The following SAMD12 variants were observed in gnomAD, a reference collection of about 807,000 sequenced individuals.
SAMD12 encodes sterile alpha motif domain-containing protein 12.
SAMD12 carries 9 observed loss-of-function variants against 15.0 expected under a neutral mutation model. The ratio of observed to expected loss-of-function variants is 0.60; its 90% CI spans 0.36 to 1.05. The LOEUF (loss-of-function observed/expected upper bound fraction) is 1.05. Ranked by LOEUF, SAMD12 falls within the 50% of genes least tolerant of loss-of-function variation. The pLI is 0.01. For synonymous variants in SAMD12, 86 were observed against 90.1 expected (o/e 0.96, Z 0.25); for missense variants, 230 against 234.2 (o/e 0.98, Z 0.12).
At chr8:118,476,111 C>T (rs1215240122) in intron 2 of SAMD12, among the ~76,000 whole-genome samples, 2 of 152,154 alleles carry the variant, frequency 1.3e-5, no homozygotes, top group South Asian at 2.1e-4. Flanking sequence ...CCCCAAACAT[C>T]AAGAGAATTG....
intron 2 of SAMD12, among the ~76,000 whole-genome samples, chr8:118,535,803 A>T (rs1291787863): frequency 6.6e-6 from 1 of 152,352 alleles, no homozygotes; most frequent in East Asian, 1.9e-4. Flanking sequence ...GGAAAAGCGC[A>T]GTATTAGGGT....
intron 3 of SAMD12, among the ~76,000 whole-genome samples, chr8:118,413,962 T>G (rs1003415967): frequency 6.6e-6 from 1 of 152,156 alleles, no homozygotes; most frequent in African/African-American, 2.4e-5. Flanking sequence ...AAATCTTGAA[T>G]ATTTTCAGTG....
chr8:118,154,115 CA>C, the SAMD12 span, among the ~76,000 whole-genome samples: 27 of 149,402 alleles, frequency 1.8e-4, 1 homozygote, highest in African/African-American at 6.6e-4. Context: ...CCTGCTTAAG[CA>C]AAAGTCAAAG....
rs753453961 is a variant in SAMD12 at position 118,621,915 on chromosome 8, G to A, written c.-99C>T. On this transcript the variant is annotated 5_prime_UTR_variant, in exon 1 of 4. Transcript: ENST00000314727. Reference sequence around the variant, plus strand: ...CCTCTCGCTTTCGCCTAAATATTCTGCGCTTATCTGCTCCAGGACCAACCT... The same window carrying A: ...CCTCTCGCTTTCGCCTAAATATTCTACGCTTATCTGCTCCAGGACCAACCT... 3.6e-6 allele frequency: 5 copies of A among 1,380,814 alleles called. No individual in the cohort carries two copies. Among genetic ancestry groups the A allele is most frequent in the Non-Finnish European group, 5.2e-6 (5 of 967,792 alleles). 85.5% of individuals were successfully genotyped at this position (1,380,814 alleles called of 1,614,324 possible).
intron 2 of SAMD12, among the ~76,000 whole-genome samples, chr8:118,562,916 A>G (rs1056860658): frequency 1.3e-5 from 2 of 152,288 alleles, no homozygotes; most frequent in East Asian, 1.9e-4. Flanking sequence ...TGTCATCTTC[A>G]TGGAGATTGC....
chr8:118,508,196 C>G (rs530376232), intron 2 of SAMD12, among the ~76,000 whole-genome samples: 1 of 142,766 alleles, frequency 7.0e-6, no homozygotes, highest in Non-Finnish European at 1.5e-5. Context: ...GATGAGAACA[C>G]TTGGACACAG....
intron 1 of SAMD12, among the ~76,000 whole-genome samples, chr8:118,591,831 T>TG (rs1209464943): frequency 6.6e-6 from 1 of 151,742 alleles, no homozygotes; most frequent in Admixed American, 6.6e-5. Context: ...ACCAAGCTAA[T>TG]GAAAAAAAAG....
At chr8:118,546,333 A>G (rs1160014324) in intron 2 of SAMD12, among the ~76,000 whole-genome samples, 2 of 152,098 alleles carry the variant, frequency 1.3e-5, no homozygotes, top group Non-Finnish European at 2.9e-5. Context: ...TGAAAAGAAG[A>G]GCATTATTCT....
rs146912883 is a variant in SAMD12, at chr8:118,366,104, G to A, written c.433+13456C>T. Among the ~76,000 whole-genome samples the A allele has an allele frequency of 1.1e-3, 171 of 152,114 alleles. 2 individuals are homozygous for A. Among genetic ancestry groups the A allele is most frequent in the Non-Finnish European group, 1.5e-3 (105 of 68,000 alleles). ...CAAAGCAGGCACTCAGCAAATACAC[G>A]GTTTTATAGTAAATATACTATCACA... On this transcript the variant is annotated intron_variant, in intron 4 of 4. Transcript: ENST00000409003.
chr8:118,267,274 C>A (rs943253478), intron 4 of SAMD12, among the ~76,000 whole-genome samples: 1 of 152,122 alleles, frequency 6.6e-6, no homozygotes, highest in Non-Finnish European at 1.5e-5. Context: ...AGGTAGGTTA[C>A]TAGACTTCAT....
At chr8:118,608,482 C>G (rs763091444) in intron 1 of SAMD12, among the ~76,000 whole-genome samples, 1 of 151,954 alleles carries the variant, frequency 6.6e-6, no homozygotes. Context: ...TAGACGTGTA[C>G]GTAGAAGGAT....
chr8:118,450,532 G>A (rs4876839), intron 2 of SAMD12, among the ~76,000 whole-genome samples: 69,289 of 152,006 alleles, frequency 0.46, 17,900 homozygotes, highest in South Asian at 0.6. Flanking sequence ...GTGAATGTTC[G>A]ATGAATGAAA....
chr8:118,605,274 T>C (rs562996451), intron 1 of SAMD12, among the ~76,000 whole-genome samples: 1 of 152,380 alleles, frequency 6.6e-6, no homozygotes, highest in African/African-American at 2.4e-5. Flanking sequence ...CATTAAGGGC[T>C]GTTTCTAAGG....
chr8:118,363,987 A>G (rs971895435), intron 4 of SAMD12, among the ~76,000 whole-genome samples: 12 of 152,258 alleles, frequency 7.9e-5, no homozygotes, highest in Admixed American at 5.9e-4. Context: ...AACTTTATAT[A>G]GAAATAAAAA....
At chr8:118,261,632 G>A (rs1813079115) in intron 4 of SAMD12, among the ~76,000 whole-genome samples, 1 of 145,290 alleles carries the variant, frequency 6.9e-6, no homozygotes, top group African/African-American at 2.8e-5. Flanking sequence ...GAAAACACAT[G>A]ATTTTTTTTT....
intron 2 of SAMD12, among the ~76,000 whole-genome samples, chr8:118,566,468 G>C (rs1317523013): frequency 6.6e-6 from 1 of 152,156 alleles, no homozygotes; most frequent in Non-Finnish European, 1.5e-5. Flanking sequence ...CGTGAAGGTA[G>C]AACTCACTTC....
At chr8:118,352,350 A>T (rs1207970660) in intron 4 of SAMD12, among the ~76,000 whole-genome samples, 1 of 152,196 alleles carries the variant, frequency 6.6e-6, no homozygotes, top group Non-Finnish European at 1.5e-5. Context: ...TAAGACAGTA[A>T]GAGGAAATTC....
At chr8:118,208,258 A>T (rs537159835) in intron 4 of SAMD12, among the ~76,000 whole-genome samples, 6 of 152,340 alleles carry the variant, frequency 3.9e-5, no homozygotes, top group South Asian at 2.1e-4. Context: ...ACTCTGTCTC[A>T]AAAATAAAAT....
intron 4 of SAMD12, among the ~76,000 whole-genome samples, chr8:118,256,657 T>G (rs75634881): frequency 6.6e-6 from 1 of 151,968 alleles, no homozygotes; most frequent in Non-Finnish European, 1.5e-5. Flanking sequence ...ATTCAAATCT[T>G]AAAAGAGTAT....
Sources: allele counts gnomAD v4.1 joint callset (sites outside exome capture counted in the v4.1 genomes callset), GRCh38; gene constraint gnomAD v4.1.1; transcripts MANE v1.5; gene names NCBI Gene and HGNC (gene_info 2026-07-23, HGNC 2026-07-21).